Variants in TCERG1L observed in about 807,000 individuals in gnomAD.
TCERG1L encodes the protein transcription elongation regulator 1-like protein.
TCERG1L carries 37 observed loss-of-function variants against 56.3 expected under a neutral mutation model. That is an observed-to-expected ratio of 0.66 (90% CI 0.51 to 0.87). The LOEUF is 0.87. Ranked by LOEUF, TCERG1L falls within the 40% of genes least tolerant of loss-of-function variation. The pLI, the probability that TCERG1L is intolerant of heterozygous loss-of-function variation, is 0.00. For synonymous variants in TCERG1L, 324 were observed against 326.3 expected (o/e 0.99, Z 0.08); for missense variants, 799 against 774.2 (o/e 1.03, Z -0.38).
At chr10:131,277,876 G>A (rs1183537725) in intron 3 of TCERG1L, among the ~76,000 whole-genome samples, 1 of 151,986 alleles carries the variant, frequency 6.6e-6, no homozygotes, top group Non-Finnish European at 1.5e-5. Context: ...GGTGCCTCCT[G>A]AGCCGGGAGA....
intron 4 of TCERG1L, among the ~76,000 whole-genome samples, chr10:131,174,461 C>A (rs1356426398): frequency 6.6e-6 from 1 of 152,148 alleles, no homozygotes; most frequent in Non-Finnish European, 1.5e-5. Flanking sequence ...TCAGCCAGGG[C>A]TCCAGAGGTC....
intron 3 of TCERG1L, among the ~76,000 whole-genome samples, chr10:131,277,429 G>A (rs929956096): frequency 6.6e-6 from 1 of 152,230 alleles, no homozygotes. Flanking sequence ...CCGCAGGCCT[G>A]CGCCGGGGAG....
At chr10:131,166,094 GAAC>G (rs916818451) in intron 5 of TCERG1L, among the ~76,000 whole-genome samples, 4 of 152,212 alleles carry the variant, frequency 2.6e-5, no homozygotes, top group Non-Finnish European at 5.9e-5. Context: ...GAGGAGACGT[GAAC>G]AACAGGGTGA....
chr10:131,282,458 AC>A (rs1846470369), intron 3 of TCERG1L, among the ~76,000 whole-genome samples: 1 of 152,214 alleles, frequency 6.6e-6, no homozygotes, highest in Admixed American at 6.5e-5. Flanking sequence ...CCCTACAGAA[AC>A]CAGCGAAAGT....
intron 3 of TCERG1L, among the ~76,000 whole-genome samples, chr10:131,284,271 T>C (rs1173906417): frequency 6.6e-6 from 1 of 152,082 alleles, no homozygotes; most frequent in East Asian, 1.9e-4. Flanking sequence ...TAAATCTGCA[T>C]ACATTAGAAA....
intron 7 of TCERG1L, among the ~76,000 whole-genome samples, chr10:131,143,584 G>A (rs1845761985): frequency 6.6e-6 from 1 of 152,166 alleles, no homozygotes; most frequent in African/African-American, 2.4e-5. Context: ...CAGATGGCAG[G>A]GGGGTTTCTG....
intron 4 of TCERG1L, among the ~76,000 whole-genome samples, chr10:131,204,756 A>G (rs1845498127): frequency 1.3e-5 from 2 of 152,244 alleles, no homozygotes; most frequent in Admixed American, 1.3e-4. Flanking sequence ...CCCCGATGGC[A>G]GTGGACTTGT....
intron 4 of TCERG1L, among the ~76,000 whole-genome samples, chr10:131,213,824 A>G (rs899703247): frequency 1.3e-5 from 2 of 152,194 alleles, no homozygotes; most frequent in African/African-American, 4.8e-5. Flanking sequence ...GCCCTGCTTC[A>G]GGAACTGGGA....
intron 9 of TCERG1L, among the ~76,000 whole-genome samples, chr10:131,112,114 T>C: frequency 7.0e-6 from 1 of 142,830 alleles, no homozygotes; most frequent in African/African-American, 2.5e-5. Flanking sequence ...AGTGGGGGAA[T>C]GGGCCCGGCC....
Position 131,214,279 on chromosome 10 carries a change from G to C in TCERG1L, c.856+45980C>G, listed in dbSNP as rs561054120. Among the ~76,000 whole-genome samples the C allele has an allele frequency of 3.3e-5, 5 of 152,144 alleles. No homozygotes were observed. The East Asian group carries it at 7.8e-4, about 24-fold the overall frequency. On this transcript the variant is annotated intron_variant, in intron 4 of 11. Coordinates refer to ENST00000368642, the MANE Select transcript of TCERG1L (RefSeq NM_174937.4). The stretch of plus-strand genomic sequence containing the variant: ...CTGCACGCCCTGCCCCCTGTCCAGG[G>C]CACAGTCCCCATGGGACCCCCAGGG...
At chr10:131,234,785 C>T (rs1306089395) in intron 4 of TCERG1L, among the ~76,000 whole-genome samples, 2 of 152,216 alleles carry the variant, frequency 1.3e-5, no homozygotes, top group Non-Finnish European at 2.9e-5. Flanking sequence ...CTCACCGCCA[C>T]CTCCGCCTCC....
intron 8 of TCERG1L, among the ~76,000 whole-genome samples, chr10:131,122,404 G>A (rs1845522853): frequency 1.3e-5 from 2 of 152,156 alleles, no homozygotes. Context: ...ATGAGGAGAG[G>A]GGTTGGAGAT....
chr10:131,148,823 C>A (rs1434560699), intron 6 of TCERG1L, among the ~76,000 whole-genome samples: 1 of 152,096 alleles, frequency 6.6e-6, no homozygotes, highest in African/African-American at 2.4e-5. Flanking sequence ...GACTTCTGAT[C>A]CTCCCAACTG....
chr10:131,125,221 G>GTGATGATGATGA (rs780589745), intron 8 of TCERG1L, among the ~76,000 whole-genome samples: 2 of 152,096 alleles, frequency 1.3e-5, no homozygotes, highest in African/African-American at 2.4e-5. Flanking sequence ...GATGATGATG[G>GTGATGATGATGA]TGGTGGTGAT....
intron 3 of TCERG1L, among the ~76,000 whole-genome samples, chr10:131,307,624 C>T (rs1370267645): frequency 6.6e-6 from 1 of 152,108 alleles, no homozygotes; most frequent in Non-Finnish European, 1.5e-5. Context: ...TCCCCTGTTA[C>T]TATATAGGTT....
At chr10:131,259,889 C>T (rs2918094) in intron 4 of TCERG1L, among the ~76,000 whole-genome samples, 68,683 of 152,178 alleles carry the variant, frequency 0.45, 15,925 homozygotes, top group East Asian at 0.68. Context: ...CACTCCAGCA[C>T]GCCAGCCTGC....
intron 4 of TCERG1L, among the ~76,000 whole-genome samples, chr10:131,200,589 C>T (rs1031235685): frequency 1.3e-5 from 2 of 152,170 alleles, no homozygotes; most frequent in Non-Finnish European, 2.9e-5. Context: ...CTTGATTTCG[C>T]AGGCTCACAG....
intron 4 of TCERG1L, among the ~76,000 whole-genome samples, chr10:131,168,456 C>G (rs1440967610): frequency 6.6e-6 from 1 of 152,204 alleles, no homozygotes; most frequent in Non-Finnish European, 1.5e-5. Flanking sequence ...TCCCCAGCAC[C>G]CTTGGGAGGA....
rs563311558 is a variant in TCERG1L at position 131,221,206 on chromosome 10, G to A, written c.856+39053C>T. On this transcript the variant is annotated intron_variant, in intron 4 of 11. Coordinates refer to ENST00000368642, the MANE Select transcript of TCERG1L (RefSeq NM_174937.4). ...TGGAAAGTGTCTCCCACCCTGACCC[G>A]CCAAGAGCCGCAGCTCCCCTCCCTG... is the stretch of plus-strand genomic sequence containing the variant. 1.4e-3 allele frequency among the ~76,000 whole-genome samples: 215 copies of A among 152,306 alleles called. 1 individual carries two copies. Among genetic ancestry groups the A allele is most frequent in the Non-Finnish European group, 2.6e-3 (175 of 68,018 alleles).
Sources: allele counts gnomAD v4.1 joint callset (sites outside exome capture counted in the v4.1 genomes callset), GRCh38; gene constraint gnomAD v4.1.1; transcripts MANE v1.5; gene names NCBI Gene and HGNC (gene_info 2026-07-23, HGNC 2026-07-21).